ZSCAN5A: variants seen among roughly 807,000 people sequenced by gnomAD.
ZSCAN5A encodes zinc finger and SCAN domain-containing protein 5A.
In ZSCAN5A, 12 loss-of-function variants were observed where a neutral mutation model predicts 23.7. The ratio of observed to expected loss-of-function variants is 0.51; its 90% CI spans 0.32 to 0.82. The LOEUF (loss-of-function observed/expected upper bound fraction) is 0.82, where lower values mean the gene tolerates loss of function less well. Among genes scored for constraint, ZSCAN5A ranks in the 40% least tolerant of loss-of-function variants. The pLI, the probability that ZSCAN5A is intolerant of heterozygous loss-of-function variation, is 0.03. For synonymous variants in ZSCAN5A, 257 were observed against 239.9 expected, an observed-to-expected ratio of 1.07 and a Z score of -0.66; for missense variants, 597 against 617.9, an observed-to-expected ratio of 0.97 and a Z score of 0.36.
intron 2 of ZSCAN5A, among the ~76,000 whole-genome samples, chr19:56,270,440 A>G (rs957421860): frequency 3.3e-5 from 5 of 152,130 alleles, no homozygotes; most frequent in African/African-American, 9.7e-5. Context: ...AAATAAATAC[A>G]TACATAGCTA....
At position 56,251,148 on chromosome 19, in the gene ZSCAN5A, T is replaced by TA. The variant is rs34825803; in HGVS notation, c.-127-25976dup. On this transcript the variant is annotated intron_variant, in intron 2 of 5. Coordinates refer to ENST00000683990, the MANE Select transcript of ZSCAN5A (RefSeq NM_001322064.3). The stretch of plus-strand genomic sequence containing the variant: ...CTGGGCAACAGAGCTAGACTCCGTG[T>TA]AAAAAAAAAAAAAAAAAAGACCACT... 5.2e-3 allele frequency among the ~76,000 whole-genome samples: 676 copies of TA among 131,040 alleles called. 2 individuals are homozygous for TA. Among genetic ancestry groups the TA allele is most frequent in the African/African-American group, 0.01 (359 of 34,816 alleles). The allele number at this position is 131,040 out of a possible 152,430, so 86.0% of individuals were successfully genotyped here.
rs576373928 is a variant in ZSCAN5A at position 56,312,841 on chromosome 19, T to C, written c.-128+442A>G. Among the ~76,000 whole-genome samples, 43 of 152,358 alleles carry C rather than the reference T, an allele frequency of 2.8e-4. No homozygotes were observed. In the South Asian group the frequency reaches 8.1e-3, roughly 29 times the overall value. ...TGTCCCCATGTCCTCCTCTGTTAAA[T>C]GGGGATGTAGACTGCACCTATTTCA... On this transcript the variant is annotated intron_variant, in intron 2 of 5. Transcript: ENST00000683990.
chr19:56,311,569 C>T (rs377694723), intron 2 of ZSCAN5A, among the ~76,000 whole-genome samples: 9 of 152,230 alleles, frequency 5.9e-5, no homozygotes, highest in South Asian at 4.2e-4. Context: ...ATTTCATAGA[C>T]GGATGGAAAA....
chr19:56,255,322 G>A (rs1293145107), intron 2 of ZSCAN5A, among the ~76,000 whole-genome samples: 2 of 152,166 alleles, frequency 1.3e-5, no homozygotes, highest in Non-Finnish European at 2.9e-5. Flanking sequence ...ATAGCCGGCT[G>A]AGCGCACAAG....
intron 2 of ZSCAN5A, among the ~76,000 whole-genome samples, chr19:56,292,451 G>GTTTTTACTTTTTTTTTT (rs773199120): frequency 1.3e-4 from 19 of 144,768 alleles, no homozygotes; most frequent in Non-Finnish European, 2.1e-4. Flanking sequence ...TTTTTTGTCT[G>GTTTTTACTTTTTTTTTT]TTTTTACTTT....
chr19:56,228,266 C>T, intron 2 of ZSCAN5A: 1 of 985,398 alleles, frequency 1.0e-6, no homozygotes, highest in Non-Finnish European at 1.2e-6. Context: ...TTCCCGGCTT[C>T]TGCCTCCGAC....
At chr19:56,338,165 TG>T (rs1467305433) in intron 2 of ZSCAN5A, 2 of 152,016 alleles carry the variant, frequency 1.3e-5, no homozygotes, top group South Asian at 2.1e-4. Flanking sequence ...ATTTTTTTTT[TG>T]AAACAAGTTG....
chr19:56,290,360 A>G (rs1877015184), intron 2 of ZSCAN5A, among the ~76,000 whole-genome samples: 1 of 152,254 alleles, frequency 6.6e-6, no homozygotes, highest in Admixed American at 6.5e-5. Context: ...GCAGAGCTGC[A>G]TAGTTGTGAC....
rs376097771 is a variant in ZSCAN5A, at chr19:56,242,038, TC to T, written c.-127-16866del. Among the ~76,000 whole-genome samples the T allele has an allele frequency of 5.1e-3, 769 of 152,258 alleles. 6 individuals carry two copies. The highest frequency in any genetic ancestry group is 0.018 in the African/African-American group (744 of 41,558). On this transcript the variant is annotated intron_variant, in intron 2 of 5. Transcript: ENST00000683990. ...TTGGAGTCCACGTCCTGATTTCCTTTCCTCTGTGTACCTGCCCCGGAGCGGG... is the reference window on the plus strand; with the variant it reads ...TTGGAGTCCACGTCCTGATTTCCTTTCTCTGTGTACCTGCCCCGGAGCGGG...
At chr19:56,313,685 A>G (rs183850739) in intron 1 of ZSCAN5A, among the ~76,000 whole-genome samples, 1 of 152,230 alleles carries the variant, frequency 6.6e-6, no homozygotes, top group Non-Finnish European at 1.5e-5. Context: ...CCAGATGATT[A>G]TATGTCCAGG....
exon 2 of ZSCAN5A, chr19:56,363,284 C>A (rs117325960): frequency 6.6e-6 from 1 of 152,376 alleles, no homozygotes; most frequent in Non-Finnish European, 1.5e-5. Context: ...TGAATTCATC[C>A]TCTTCCTACT....
intron 2 of ZSCAN5A, among the ~76,000 whole-genome samples, chr19:56,322,696 CATCTCAGGCACCAAA>C (rs2041389323): frequency 6.6e-6 from 1 of 152,200 alleles, no homozygotes; most frequent in Non-Finnish European, 1.5e-5. Flanking sequence ...GTTCTAGGAT[CATCTCAGGCACCAAA>C]ATCTCAGGCT....
In ZSCAN5A at chr19:56,352,089, G is replaced by T. The variant is rs2041670895; in HGVS notation, c.-358+11146C>A. 6.6e-6 allele frequency among the ~76,000 whole-genome samples: 1 copy of T among 151,630 alleles called. No homozygotes were observed. The highest frequency in any genetic ancestry group is 1.5e-5 in the Non-Finnish European group (1 of 67,924). On this transcript the variant is annotated intron_variant, in intron 2 of 6. Coordinates refer to the ZSCAN5A transcript ENST00000587340. This position sits in a 1 kb window ranked among gnomAD's most constrained non-coding sequence, Gnocchi z 4.2. ...GGGTATGCTTTGGTGGATAGTGTGG[G>T]GTTTTTTTGTTTGTTTGTTTCTTTG...
intron 2 of ZSCAN5A, among the ~76,000 whole-genome samples, chr19:56,349,155 T>C (rs1022134257): frequency 6.6e-6 from 1 of 152,212 alleles, no homozygotes; most frequent in African/African-American, 2.4e-5. Context: ...GTAACCTCTC[T>C]AGCTCACTTC....
Position 56,221,643 on chromosome 19 carries a change from T to C in ZSCAN5A, c.1423A>G (p.Arg475Gly), listed in dbSNP as rs2033174753. ...AACAATTTCAGCCGACTGAAGGCTC[T>C]TGGACACTTGGAACATTTGTAGGGT... ...EKPYKCSKCP[R>G]AFSRLKLLRR... Residue 475 changes from arginine to glycine, a missense_variant, in exon 6 of 6, where the codon AGA becomes GGA. Physicochemically the swap from Arg to Gly is moderately radical, Grantham distance 125. Around this residue, in one of 5 missense-constraint regions of ZSCAN5A, gnomAD observed 87 missense variants for 74.4 expected, o/e 1.17. Coordinates refer to ENST00000683990, the MANE Select transcript of ZSCAN5A (RefSeq NM_001322064.3). 3.1e-6 allele frequency: 5 copies of C among 1,614,024 alleles called. No individual in the cohort carries two copies. Among genetic ancestry groups the C allele is most frequent in the Non-Finnish European group, 3.4e-6 (4 of 1,180,002 alleles).
chr19:56,230,193 T>G (rs1015498941), intron 2 of ZSCAN5A, among the ~76,000 whole-genome samples: 1 of 152,114 alleles, frequency 6.6e-6, no homozygotes. Context: ...TTCGAGCAAT[T>G]ATTTGCCTCA....
intron 2 of ZSCAN5A, among the ~76,000 whole-genome samples, chr19:56,301,458 C>A (rs2040224831): frequency 6.6e-6 from 1 of 152,112 alleles, no homozygotes; most frequent in East Asian, 1.9e-4. Flanking sequence ...CAGTGAGGAC[C>A]ACCAGAGGTC....
At chr19:56,363,868 T>C (rs932214742) in intron 1 of ZSCAN5A, among the ~76,000 whole-genome samples, 7 of 152,196 alleles carry the variant, frequency 4.6e-5, no homozygotes, top group African/African-American at 1.7e-4. Context: ...TTATATTCTA[T>C]TTAAAGAGGA....
At chr19:56,284,802 T>G (rs1173014319) in intron 2 of ZSCAN5A, among the ~76,000 whole-genome samples, 1 of 152,184 alleles carries the variant, frequency 6.6e-6, no homozygotes, top group Non-Finnish European at 1.5e-5. Flanking sequence ...CCTGAGCCAC[T>G]GCGCCTGGCC....
Sources: gnomAD v4.1 joint callset for allele counts (sites outside exome capture counted in the v4.1 genomes callset) on GRCh38, gnomAD v4.1.1 for gene constraint, gnomAD v4.1.1 regional missense constraint, Gnocchi (gnomAD v3.1) non-coding constraint, MANE v1.5 for transcripts, NCBI Gene and HGNC (gene_info 2026-07-23, HGNC 2026-07-21) for gene names.